The following RAB3C variants were observed in gnomAD, a reference collection of about 807,000 sequenced individuals.
RAB3C encodes the protein ras-related protein Rab-3C.
Under a neutral mutation model 26.4 loss-of-function variants are expected in RAB3C, and 17 were observed. That is an observed-to-expected ratio of 0.64 (90% CI 0.44 to 0.97). The LOEUF is 0.97. Ranked by LOEUF, RAB3C falls within the 50% of genes least tolerant of loss-of-function variation. RAB3C has a pLI of 0.00. For missense variants in RAB3C, 242 were observed against 281.9 expected (o/e 0.86, Z 1.01); for synonymous variants, 91 against 95.9 (o/e 0.95, Z 0.30).
chr5:58,828,977 C>T (rs1743552615), intron 4 of RAB3C, among the ~76,000 whole-genome samples: 1 of 147,536 alleles, frequency 6.8e-6, no homozygotes, highest in African/African-American at 2.5e-5. Flanking sequence ...GATCTCAGCT[C>T]ACTGCAACCC....
At chr5:58,750,799 T>TTTCCTTCCTTCCTTCCTTGCTTCC (rs1320676638) in intron 3 of RAB3C, among the ~76,000 whole-genome samples, 9 of 152,100 alleles carry the variant, frequency 5.9e-5, no homozygotes, top group African/African-American at 2.2e-4. Flanking sequence ...ATGTATTTTC[T>TTTCCTTCCTTCCTTCCTTGCTTCC]TTCCTTCCTT....
intron 4 of RAB3C, among the ~76,000 whole-genome samples, chr5:58,836,387 G>A (rs903737661): frequency 6.6e-6 from 1 of 152,016 alleles, no homozygotes; most frequent in African/African-American, 2.4e-5. Flanking sequence ...TGTTGGGAAC[G>A]TTCAGTATTC....
intron 3 of RAB3C, among the ~76,000 whole-genome samples, chr5:58,819,218 T>C (rs1207146935): frequency 1.3e-5 from 2 of 152,156 alleles, no homozygotes; most frequent in African/African-American, 4.8e-5. Context: ...GCATGTAAAA[T>C]AATAGCCTCA....
At chr5:58,800,246 G>A (rs1179086688) in intron 3 of RAB3C, among the ~76,000 whole-genome samples, 1 of 152,216 alleles carries the variant, frequency 6.6e-6, no homozygotes, top group Non-Finnish European at 1.5e-5. Flanking sequence ...GTGGTTATGA[G>A]AAGCAGCCTC....
At chr5:58,648,369 G>A (rs1747571617) in intron 2 of RAB3C, among the ~76,000 whole-genome samples, 2 of 152,142 alleles carry the variant, frequency 1.3e-5, no homozygotes, top group African/African-American at 2.4e-5. Context: ...AGATGAACAA[G>A]ACTCCCTGCT....
At chr5:58,757,931 GTTGTTTTGTT>G (rs111469253) in intron 3 of RAB3C, among the ~76,000 whole-genome samples, 8 of 151,266 alleles carry the variant, frequency 5.3e-5, no homozygotes, top group African/African-American at 1.2e-4. Flanking sequence ...TGTTGTTGTT[GTTGTTTTGTT>G]TTGTTTTGTT....
At chr5:58,780,167 C>A (rs1561127762) in intron 3 of RAB3C, among the ~76,000 whole-genome samples, 4 of 152,016 alleles carry the variant, frequency 2.6e-5, no homozygotes, top group African/African-American at 7.2e-5. Context: ...GGTGGCACAG[C>A]AACAGTGGTC....
rs1363859438 is a variant in RAB3C at position 58,708,015 on chromosome 5, G to T, written c.253-17987G>T. Among the ~76,000 whole-genome samples the T allele has an allele frequency of 5.1e-4, 75 of 147,742 alleles. 1 individual carries two copies. The highest frequency in any genetic ancestry group is 9.4e-4 in the Non-Finnish European group (63 of 67,130). ...TTTTTTTTTTTTTCTTTTTGAGACAGGGTCTCTCTGTGTTGCCCAGGCTGG... is the reference window on the plus strand; with the variant it reads ...TTTTTTTTTTTTTCTTTTTGAGACATGGTCTCTCTGTGTTGCCCAGGCTGG... On this transcript the variant is annotated intron_variant, in intron 2 of 4. Coordinates refer to ENST00000282878, the MANE Select transcript of RAB3C (RefSeq NM_138453.4).
chr5:58,730,858 A>T (rs148241287), intron 3 of RAB3C, among the ~76,000 whole-genome samples: 4 of 152,286 alleles, frequency 2.6e-5, no homozygotes, highest in Non-Finnish European at 5.9e-5. Context: ...TAAACGAAAG[A>T]AGTTTAATTG....
At chr5:58,629,753 T>C (rs549419517) in intron 2 of RAB3C, among the ~76,000 whole-genome samples, 1 of 152,264 alleles carries the variant, frequency 6.6e-6, no homozygotes, top group East Asian at 1.9e-4. Flanking sequence ...GTGGTGCATA[T>C]TTTGCTTTCT....
upstream of RAB3C, chr5:58,582,440 G>T (rs114248116): frequency 6.4e-4 from 630 of 985,070 alleles, 1 homozygote; most frequent in African/African-American, 0.01. Context: ...GAGTTCCTTG[G>T]GGTGCTTAGC....
chr5:58,590,136 C>T (rs1040009447), intron 1 of RAB3C, among the ~76,000 whole-genome samples: 7 of 152,122 alleles, frequency 4.6e-5, no homozygotes, highest in African/African-American at 1.7e-4. Context: ...TTTTAAATAT[C>T]CATTATAGCT....
At chr5:58,727,170 C>A (rs544399616) in intron 3 of RAB3C, among the ~76,000 whole-genome samples, 1 of 151,966 alleles carries the variant, frequency 6.6e-6, no homozygotes, top group Non-Finnish European at 1.5e-5. Context: ...ATGATTTTTA[C>A]ATATATATCA....
upstream of RAB3C, among the ~76,000 whole-genome samples, chr5:58,582,833 G>A (rs2111640543): frequency 6.6e-6 from 1 of 152,350 alleles, no homozygotes; most frequent in South Asian, 2.1e-4. Flanking sequence ...TGCCCCTGGC[G>A]AGGAAAAGAG....
intron 2 of RAB3C, among the ~76,000 whole-genome samples, chr5:58,629,409 T>C (rs1239816943): frequency 6.6e-6 from 1 of 152,202 alleles, no homozygotes; most frequent in Non-Finnish European, 1.5e-5. Context: ...CATTTATGAA[T>C]GACTGCAGTG....
chr5:58,785,508 A>C (rs1315936101), intron 3 of RAB3C, among the ~76,000 whole-genome samples: 1 of 152,220 alleles, frequency 6.6e-6, no homozygotes, highest in East Asian at 1.9e-4. Flanking sequence ...AGTGCATAGG[A>C]ATCAATCACC....
chr5:58,621,153 C>T (rs1746929068), intron 2 of RAB3C, among the ~76,000 whole-genome samples: 1 of 152,064 alleles, frequency 6.6e-6, no homozygotes, highest in East Asian at 1.9e-4. Context: ...CATTAAGATC[C>T]ACATCATCTT....
rs746207617 is a variant in RAB3C at position 58,617,717 on chromosome 5, A to G, written c.99A>G (p.Leu33=). The G allele has an allele frequency of 6.2e-7, 1 of 1,614,022 alleles. No homozygotes were observed. The highest frequency in any genetic ancestry group is 1.1e-5 in the South Asian group (1 of 91,074). ...AGAACTTTGACTACATGTTCAAATT[A>G]CTCATCATCGGCAATAGCAGTGTGG... The part of the protein sequence containing the change: ...SDQNFDYMFK[L]LIIGNSSVGK... The change falls in exon 2 of 5, where the codon TTA becomes TTG. Residue 33 remains leucine, a synonymous_variant. Transcript: ENST00000282878.
intron 2 of RAB3C, among the ~76,000 whole-genome samples, chr5:58,705,319 C>T (rs932053158): frequency 1.3e-5 from 2 of 152,146 alleles, no homozygotes; most frequent in Admixed American, 1.3e-4. Flanking sequence ...AAGCGAATTC[C>T]ATTGCACCAA....
Sources: gnomAD v4.1 joint callset for allele counts (sites outside exome capture counted in the v4.1 genomes callset) on GRCh38, gnomAD v4.1.1 for gene constraint, MANE v1.5 for transcripts, NCBI Gene and HGNC (gene_info 2026-07-23, HGNC 2026-07-21) for gene names.